TNIP1: variants seen among roughly 807,000 people sequenced by gnomAD.
The protein encoded by TNIP1 is TNFAIP3-interacting protein 1.
A neutral mutation model predicts 86.6 loss-of-function variants in TNIP1; 22 were observed. That is an observed-to-expected ratio of 0.25 (90% CI 0.18 to 0.36). TNIP1 has a LOEUF of 0.36. TNIP1 is among the 10% of genes least tolerant of loss of function. The probability of loss-of-function intolerance (pLI) is 1.00; values close to 1 mark genes in which losing one functional copy is unlikely to be tolerated. For missense variants in TNIP1, 709 were observed against 820.6 expected (o/e 0.86, Z 1.66); for synonymous variants, 294 against 313.0 (o/e 0.94, Z 0.64).
At position 151,039,694 on chromosome 5, in the gene TNIP1, G is replaced by A. The variant is rs957682303; in HGVS notation, c.1135-469C>T. Among the ~76,000 whole-genome samples the A allele has an allele frequency of 3.3e-5, 5 of 152,210 alleles. No homozygotes were observed. In the South Asian group the frequency reaches 8.3e-4, roughly 25 times the overall value. On this transcript the variant is annotated intron_variant, in intron 11 of 17. Coordinates refer to ENST00000521591, the MANE Select transcript of TNIP1 (RefSeq NM_006058.5). ...GACCAGATTCACATGGGGGTCTTCC[G>A]TGATCCACAGAAAGCGATAAACTAC...
intron 6 of TNIP1, among the ~76,000 whole-genome samples, chr5:151,053,943 C>T (rs1760314340): frequency 6.6e-6 from 1 of 152,192 alleles, no homozygotes; most frequent in Non-Finnish European, 1.5e-5. Context: ...GAGGGGACAG[C>T]CTTTGAGCTG....
upstream of TNIP1, among the ~76,000 whole-genome samples, chr5:151,085,452 C>T (rs1273222906): frequency 6.6e-6 from 1 of 152,218 alleles, no homozygotes; most frequent in Non-Finnish European, 1.5e-5. Context: ...AGGAGCTGGG[C>T]CTGGAAGGCA....
Position 151,070,411 on chromosome 5 carries a change from C to T in TNIP1, c.-36-5280G>A, listed in dbSNP as rs201363029. ...AGGGCCAAGGCTTTCCCCATTTGTT[C>T]TCTCCTTTAATGGGATTTTAGGCTC... On this transcript the variant is annotated intron_variant, in intron 1 of 17. Transcript: ENST00000521591. Among the ~76,000 whole-genome samples the T allele has an allele frequency of 5.9e-5, 9 of 152,318 alleles. No homozygotes were observed. The East Asian group carries it at 1.7e-3, about 29-fold the overall frequency.
chr5:151,080,239 T>C (rs531123019), intron 1 of TNIP1: 1 of 152,340 alleles, frequency 6.6e-6, no homozygotes, highest in African/African-American at 2.4e-5. Context: ...TCCAACAATG[T>C]GCATACAAAA....
At chr5:151,081,830 G>A (rs540516679), upstream of TNIP1, among the ~76,000 whole-genome samples, 17 of 152,290 alleles carry the variant, frequency 1.1e-4, no homozygotes, top group African/African-American at 3.8e-4. Context: ...AACAGACTGG[G>A]ATTTCCTAGA....
intron 8 of TNIP1, among the ~76,000 whole-genome samples, chr5:151,048,637 G>A (rs1483706543): frequency 6.6e-6 from 1 of 152,178 alleles, no homozygotes; most frequent in East Asian, 1.9e-4. Flanking sequence ...AGGAAGACGA[G>A]TGGAGATTAA....
In TNIP1 at chr5:151,033,622, G is replaced by A. The variant is rs772415850; in HGVS notation, c.1765C>T (p.Arg589Cys). 1.7e-5 allele frequency: 23 copies of A among 1,363,816 alleles called. No individual in the cohort carries two copies. The highest frequency in any genetic ancestry group is 6.4e-5 in the South Asian group (3 of 46,946). The allele number at this position is 1,363,816 out of a possible 1,614,324, so 84.5% of individuals were successfully genotyped here. A position where few individuals can be genotyped will look rare whatever the true frequency, so the allele number is the denominator to read the frequency against. The part of the protein sequence containing the change: ...MEHPPPLPNS[R>C]LFHLPEYTWR... ...CACAGACTCACCAGATGGAAGAGGC[G>A]CGAGTTGGGGAGTGGGGGCGGGTGC... The change falls in exon 16 of 18, where the codon CGC becomes TGC. Residue 589 changes from arginine (R) to cysteine (C), a missense_variant. Physicochemically the swap from Arg to Cys is radical, Grantham distance 180. Transcript: ENST00000521591.
At chr5:151,086,485 G>A (rs1379342340) in intron 1 of TNIP1, among the ~76,000 whole-genome samples, 3 of 152,084 alleles carry the variant, frequency 2.0e-5, no homozygotes, top group African/African-American at 7.2e-5. Flanking sequence ...TGTTCCCCTG[G>A]AGGCAGCGCC....
At chr5:151,060,197 C>A (rs1417537816) in intron 5 of TNIP1, 121 bp downstream of exon 5, 2 of 1,007,232 alleles carry the variant, frequency 2.0e-6, no homozygotes, top group Non-Finnish European at 3.0e-6. Flanking sequence ...CCTCGTGTAT[C>A]CCCAAGTGAC....
At position 151,052,242 on chromosome 5, in the gene TNIP1, A is replaced by G. The variant is rs760902761; in HGVS notation, c.645T>C (p.Leu215=). The change falls in exon 7 of 18, where the codon CTT becomes CTC. Residue 215 remains leucine, a synonymous_variant. Transcript: ENST00000521591. ...TSILQTLCEQ[L]RKENEALKAK... is the part of the protein sequence containing the mutation. The stretch of plus-strand genomic sequence containing the variant: ...CCTTCAGAGCCTCGTTCTCCTTCCG[A>G]AGCTGCTCACACAGGGTCTGTGGGG... 2.7e-5 allele frequency: 44 copies of G among 1,613,744 alleles called. No homozygotes were observed. The highest frequency in any genetic ancestry group is 3.6e-5 in the Non-Finnish European group (42 of 1,179,942).
Position 151,036,838 on chromosome 5 carries a change from G to A in TNIP1, c.1347C>T (p.Leu449=), listed in dbSNP as rs945635285. ...AFGSPEGAGA[L]LRKQELVTQN... is the part of the protein sequence containing the mutation. ...GCGTGACCAGCTCCTGTTTCCTTAG[G>A]AGGGCCCCTGCTCCTTCTGGGCTCC... is the stretch of plus-strand genomic sequence containing the variant. The change falls in exon 13 of 18, where the codon CTC becomes CTT. Residue 449 remains leucine (L), a synonymous_variant. Coordinates refer to ENST00000521591, the MANE Select transcript of TNIP1 (RefSeq NM_006058.5). 2 of 1,614,008 alleles carry A rather than the reference G, an allele frequency of 1.2e-6. No homozygotes were observed. The highest frequency in any genetic ancestry group is 1.3e-5 in the African/African-American group (1 of 75,036).
At chr5:151,049,602 AG>A (rs1561837004) in intron 8 of TNIP1, among the ~76,000 whole-genome samples, 1 of 152,234 alleles carries the variant, frequency 6.6e-6, no homozygotes, top group Non-Finnish European at 1.5e-5. Flanking sequence ...CTATTTAGCC[AG>A]GAGAAGAGAA....
chr5:151,053,379 G>A (rs1760221391), intron 6 of TNIP1, among the ~76,000 whole-genome samples: 1 of 152,098 alleles, frequency 6.6e-6, no homozygotes. Context: ...CAAAGTGCTG[G>A]GATTACAGGC....
At chr5:151,067,053 C>A (rs1003972483) in intron 1 of TNIP1, among the ~76,000 whole-genome samples, 2 of 152,200 alleles carry the variant, frequency 1.3e-5, no homozygotes, top group South Asian at 2.1e-4. Flanking sequence ...GATGAATACA[C>A]CGTGTGGGAG....
At chr5:151,077,615 T>C (rs1323098921) in intron 1 of TNIP1, among the ~76,000 whole-genome samples, 4 of 152,172 alleles carry the variant, frequency 2.6e-5, no homozygotes, top group African/African-American at 4.8e-5. Context: ...TGCCAAGCAC[T>C]GAATCATGTG....
chr5:151,040,534 C>A (rs955500901), intron 11 of TNIP1, among the ~76,000 whole-genome samples: 1 of 152,134 alleles, frequency 6.6e-6, no homozygotes, highest in African/African-American at 2.4e-5. Context: ...AAACGTCCTA[C>A]CTTCCCTGTA....
upstream of TNIP1, chr5:151,087,272 C>T (rs745923099): frequency 1.3e-5 from 2 of 152,554 alleles, no homozygotes; most frequent in Non-Finnish European, 2.9e-5. Flanking sequence ...GAGGCCCCAT[C>T]CTGCCCGCTG....
At chr5:151,061,699 A>T (rs1424004837) in intron 4 of TNIP1, among the ~76,000 whole-genome samples, 1 of 152,092 alleles carries the variant, frequency 6.6e-6, no homozygotes, top group Non-Finnish European at 1.5e-5. Flanking sequence ...GCTGGTCTCA[A>T]ACTCCTGGGT....
At chr5:151,082,405 A>G (rs1358764148), upstream of TNIP1, among the ~76,000 whole-genome samples, 2 of 152,146 alleles carry the variant, frequency 1.3e-5, no homozygotes, top group Admixed American at 6.5e-5. Flanking sequence ...TCCTACAGAG[A>G]AACTGGGAAT....
Sources: gnomAD v4.1 joint callset for allele counts (sites outside exome capture counted in the v4.1 genomes callset) on GRCh38, gnomAD v4.1.1 for gene constraint, MANE v1.5 for transcripts, NCBI Gene and HGNC (gene_info 2026-07-23, HGNC 2026-07-21) for gene names.